The following TMEM67 variants were observed in gnomAD, a reference collection of about 807,000 sequenced individuals.
TMEM67 encodes transmembrane protein 67, also known as meckelin.
Under a neutral mutation model 136.6 loss-of-function variants are expected in TMEM67, and 124 were observed. The ratio of observed to expected loss-of-function variants is 0.91; its 90% CI spans 0.78 to 1.05. The LOEUF (loss-of-function observed/expected upper bound fraction) is 1.05, where lower values mean the gene tolerates loss of function less well. Among genes scored for constraint, TMEM67 ranks in the 50% least tolerant of loss-of-function variants. The pLI, the probability that TMEM67 is intolerant of heterozygous loss-of-function variation, is 0.00. For missense variants in TMEM67, 1,107 were observed against 1,178.4 expected (o/e 0.94, Z 0.89); for synonymous variants, 364 against 390.5 (o/e 0.93, Z 0.80).
downstream of TMEM67, among the ~76,000 whole-genome samples, chr8:93,821,593 C>G (rs937825435): frequency 1.3e-5 from 2 of 152,242 alleles, no homozygotes. Context: ...CCTAGCCTGC[C>G]AAGATTTCTT....
At chr8:93,829,692 C>T in the TMEM67 span, among the ~76,000 whole-genome samples, 739 of 152,146 alleles carry the variant, frequency 4.9e-3, 8 homozygotes, top group South Asian at 0.045. Flanking sequence ...AACAGCACAA[C>T]ATCTCCTCTT....
intron 15 of TMEM67, among the ~76,000 whole-genome samples, 178 bp from the exon 16 acceptor site, chr8:93,793,020 C>T (rs887521393): frequency 6.6e-6 from 1 of 151,894 alleles, no homozygotes; most frequent in Non-Finnish European, 1.5e-5. Context: ...ATCCGCCTGC[C>T]TCGGCCTCCC....
chr8:93,793,188 T>C lies in TMEM67; in HGVS notation c.1576-10T>C, dbSNP rs1464558705. ...TTACATAAATTCTCAATTGTTCTTT[T>C]GTTTTTTAGATTGCTTTGGGTGTAT... On this transcript the variant is annotated splice_polypyrimidine_tract_variant and intron_variant, in intron 15 of 27. Coordinates refer to ENST00000453321, the MANE Select transcript of TMEM67 (RefSeq NM_153704.6). 6 of 1,611,558 alleles carry C rather than the reference T, an allele frequency of 3.7e-6. No individual in the cohort carries two copies. In the Admixed American group the frequency reaches 1.0e-4, roughly 27 times the overall value.
chr8:93,831,435 AAAAT>A, the TMEM67 span, among the ~76,000 whole-genome samples: 60 of 152,360 alleles, frequency 3.9e-4, no homozygotes, highest in African/African-American at 1.3e-3. Flanking sequence ...CTTTTAAAGA[AAAAT>A]AACAGCTGAC....
chr8:93,754,896 G>C lies in TMEM67; in HGVS notation c.-19G>C, dbSNP rs748384909. On this transcript the variant is annotated 5_prime_UTR_variant, in exon 1 of 28. Coordinates refer to ENST00000453321, the MANE Select transcript of TMEM67 (RefSeq NM_153704.6). ...GCTGATGGGGGGCTGGAGGCTGTGA[G>C]GCTTCCAGCGTCGGTACCATGGCGA... is the stretch of plus-strand genomic sequence containing the variant. 3.7e-6 allele frequency: 6 copies of C among 1,609,680 alleles called. No individual in the cohort carries two copies. The highest frequency in any genetic ancestry group is 5.1e-6 in the Non-Finnish European group (6 of 1,176,924).
downstream of TMEM67, among the ~76,000 whole-genome samples, chr8:93,821,290 A>G (rs1287452678): frequency 6.6e-6 from 1 of 152,032 alleles, no homozygotes; most frequent in African/African-American, 2.4e-5. Flanking sequence ...TTAGTTTTTT[A>G]TTTTGTTTTG....
chr8:93,809,574 C>A (rs577022491), intron 25 of TMEM67, among the ~76,000 whole-genome samples: 1 of 152,186 alleles, frequency 6.6e-6, no homozygotes, highest in East Asian at 1.9e-4. Context: ...CTATATCTAG[C>A]CCTAAATACT....
At chr8:93,811,187 G>A (rs944721669) in intron 26 of TMEM67, 1 of 152,236 alleles carries the variant, frequency 6.6e-6, no homozygotes, top group Non-Finnish European at 1.5e-5. Context: ...CACAGGTTAT[G>A]CCAGGGACAG....
intron 6 of TMEM67, among the ~76,000 whole-genome samples, chr8:93,767,808 T>C (rs1813142487): frequency 6.6e-6 from 1 of 151,600 alleles, no homozygotes; most frequent in Admixed American, 6.6e-5. Context: ...TAGGCTAATC[T>C]AGGCTAATCT....
intron 16 of TMEM67, among the ~76,000 whole-genome samples, chr8:93,794,133 G>A (rs570944915): frequency 3.5e-4 from 53 of 151,932 alleles, no homozygotes; most frequent in Admixed American, 3.0e-3. Context: ...CTCATGATCC[G>A]CCCACCTCAG....
At chr8:93,803,894 T>G (rs1482569247) in intron 22 of TMEM67, among the ~76,000 whole-genome samples, 1 of 149,952 alleles carries the variant, frequency 6.7e-6, no homozygotes, top group African/African-American at 2.5e-5. Flanking sequence ...TTTTTTTTTT[T>G]GAAACGGTCT....
At chr8:93,811,794 G>A (rs77301130) in intron 26 of TMEM67, among the ~76,000 whole-genome samples, 2,229 of 151,936 alleles carry the variant, frequency 0.015, 61 homozygotes, top group African/African-American at 0.049. Flanking sequence ...CGCCGAGATC[G>A]CACCACTGCA....
At chr8:93,794,782 A>G (rs1186328632) in intron 16 of TMEM67, 1 of 155,932 alleles carries the variant, frequency 6.4e-6, no homozygotes, top group East Asian at 1.9e-4. Context: ...CAGGAGCTGG[A>G]GAATGTGTTA....
At chr8:93,812,886 C>T (rs1182271811) in intron 26 of TMEM67, among the ~76,000 whole-genome samples, 2 of 151,868 alleles carry the variant, frequency 1.3e-5, no homozygotes, top group Non-Finnish European at 2.9e-5. Flanking sequence ...CAGGCGTGTG[C>T]CACCACACCT....
At chr8:93,782,363 T>G in intron 10 of TMEM67, 32 bp from the exon 11 acceptor site, 220 of 1,547,728 alleles carry the variant, frequency 1.4e-4, no homozygotes, top group Middle Eastern at 1.8e-4. Flanking sequence ...AAAACATTTG[T>G]GAGATTTATC....
intron 26 of TMEM67, 114 bp downstream of exon 26, chr8:93,810,001 C>T: frequency 3.2e-6 from 2 of 628,678 alleles, no homozygotes; most frequent in East Asian, 6.2e-5. Flanking sequence ...CGGCGTCTTG[C>T]TCTGTTGCCC....
downstream of TMEM67, among the ~76,000 whole-genome samples, chr8:93,821,455 A>AT (rs1267853412): frequency 6.6e-6 from 1 of 151,936 alleles, no homozygotes; most frequent in African/African-American, 2.4e-5. Context: ...ATAATTTTAA[A>AT]TTTTTTTGTA....
At chr8:93,797,506 A>G (rs199787056) in intron 20 of TMEM67, 36 bp downstream of exon 20, 7 of 1,585,188 alleles carry the variant, frequency 4.4e-6, no homozygotes, top group South Asian at 3.3e-5. Context: ...TGCGACTTAC[A>G]TGTACCTTAT....
chr8:93,782,865 G>A (rs895725191), intron 11 of TMEM67, among the ~76,000 whole-genome samples: 9 of 151,774 alleles, frequency 5.9e-5, no homozygotes, highest in Admixed American at 2.0e-4. Context: ...ATGAGCCACC[G>A]TGCCTGGCCG....
Sources: allele counts gnomAD v4.1 joint callset (sites outside exome capture counted in the v4.1 genomes callset), GRCh38; gene constraint gnomAD v4.1.1; transcripts MANE v1.5; gene names NCBI Gene and HGNC (gene_info 2026-07-23, HGNC 2026-07-21).